ROBO1: variants seen among roughly 807,000 people sequenced by gnomAD.
The protein encoded by ROBO1 is roundabout guidance receptor 1.
In ROBO1, 149 loss-of-function variants were observed where a neutral mutation model predicts 195.9. That is an observed-to-expected ratio of 0.76 (90% CI 0.67 to 0.87). The LOEUF is 0.87. Ranked by LOEUF, ROBO1 falls within the 40% of genes least tolerant of loss-of-function variation. The probability of loss-of-function intolerance (pLI) is 0.00; values close to 1 mark genes in which losing one functional copy is unlikely to be tolerated. For missense variants in ROBO1, 1,933 were observed against 2,068.3 expected (o/e 0.93, Z 1.27); for synonymous variants, 816 against 733.2 (o/e 1.11, Z -1.82).
chr3:79,508,267 AAG>A (rs1940516263), intron 2 of ROBO1, among the ~76,000 whole-genome samples: 1 of 150,806 alleles, frequency 6.6e-6, no homozygotes, highest in South Asian at 2.1e-4. Flanking sequence ...AAAAATCAAA[AAG>A]AAGAGGAGAT....
intron 3 of ROBO1, among the ~76,000 whole-genome samples, chr3:79,104,633 C>G (rs1334517769): frequency 1.3e-5 from 2 of 151,690 alleles, no homozygotes. Flanking sequence ...CTTCAGTTCT[C>G]ACACAGCCAT....
chr3:79,217,771 TA>T (rs1480252513), intron 2 of ROBO1, among the ~76,000 whole-genome samples: 3 of 151,946 alleles, frequency 2.0e-5, no homozygotes, highest in African/African-American at 7.2e-5. Flanking sequence ...GAGCTTAAAA[TA>T]AATGTCATTT....
At chr3:79,550,195 G>GAAAGAAAAGAAAA in intron 2 of ROBO1, among the ~76,000 whole-genome samples, 1 of 100,812 alleles carries the variant, frequency 9.9e-6, no homozygotes, top group African/African-American at 4.7e-5. Context: ...AAGAAAGAAA[G>GAAAGAAAAGAAAA]GAAAAGAAAA....
intron 4 of ROBO1, among the ~76,000 whole-genome samples, chr3:78,807,767 G>T (rs1401477185): frequency 6.6e-6 from 1 of 152,166 alleles, no homozygotes; most frequent in Non-Finnish European, 1.5e-5. Context: ...GCATGTGTGT[G>T]TTTGTGTTAT....
chr3:79,428,721 A>G (rs1435871920), intron 2 of ROBO1, among the ~76,000 whole-genome samples: 2 of 152,162 alleles, frequency 1.3e-5, no homozygotes, highest in Non-Finnish European at 2.9e-5. Flanking sequence ...GTAACAACCA[A>G]TTGTCCACCG....
At chr3:79,293,380 C>T (rs1306845133) in intron 2 of ROBO1, among the ~76,000 whole-genome samples, 1 of 152,010 alleles carries the variant, frequency 6.6e-6, no homozygotes, top group Admixed American at 6.6e-5. Flanking sequence ...CTATCTTTTT[C>T]AGTTCTGCTC....
chr3:78,961,517 C>T (rs1320087559), intron 3 of ROBO1, among the ~76,000 whole-genome samples: 1 of 152,174 alleles, frequency 6.6e-6, no homozygotes, highest in African/African-American at 2.4e-5. Flanking sequence ...CTAAAATGTA[C>T]TTACGTTCCA....
At chr3:78,731,918 G>C (rs1483588601) in intron 5 of ROBO1, among the ~76,000 whole-genome samples, 1 of 152,056 alleles carries the variant, frequency 6.6e-6, no homozygotes, top group African/African-American at 2.4e-5. Context: ...ATGTATTTAA[G>C]CAACAATCTG....
intron 3 of ROBO1, among the ~76,000 whole-genome samples, chr3:78,957,537 C>G (rs547137161): frequency 1.3e-5 from 2 of 152,218 alleles, no homozygotes; most frequent in South Asian, 4.1e-4. Flanking sequence ...GCATGCAACA[C>G]GGTTACAATG....
chr3:79,601,324 G>A (rs1320999933), intron 1 of ROBO1, among the ~76,000 whole-genome samples: 1 of 151,912 alleles, frequency 6.6e-6, no homozygotes, highest in Admixed American at 6.6e-5. Context: ...AGGAGATGAA[G>A]CTAAAAAAAT....
At chr3:79,019,055 G>A in intron 3 of ROBO1, 1 of 989,624 alleles carries the variant, frequency 1.0e-6, no homozygotes. Flanking sequence ...GCGAGCGAGG[G>A]GGCGGTGCGG....
At chr3:78,858,435 A>G (rs2034583724) in intron 4 of ROBO1, among the ~76,000 whole-genome samples, 1 of 151,962 alleles carries the variant, frequency 6.6e-6, no homozygotes, top group South Asian at 2.1e-4. Flanking sequence ...ATCCTTAGAA[A>G]GTGGAAAACT....
At chr3:79,654,725 T>A (rs1946109694) in intron 1 of ROBO1, among the ~76,000 whole-genome samples, 1 of 102,384 alleles carries the variant, frequency 9.8e-6, no homozygotes, top group African/African-American at 3.7e-5. Flanking sequence ...TCTTTTCTAG[T>A]GATTTTTTTT....
intron 1 of ROBO1, among the ~76,000 whole-genome samples, chr3:79,641,911 C>T (rs998181627): frequency 6.6e-6 from 1 of 152,008 alleles, no homozygotes; most frequent in Non-Finnish European, 1.5e-5. Context: ...CCCAGCTATT[C>T]AGGAGGTTGA....
intron 3 of ROBO1, among the ~76,000 whole-genome samples, chr3:79,059,397 T>C (rs2108395915): frequency 6.6e-6 from 1 of 152,158 alleles, no homozygotes; most frequent in African/African-American, 2.4e-5. Flanking sequence ...ATTATGCTTC[T>C]CTGTTTAATC....
intron 1 of ROBO1, among the ~76,000 whole-genome samples, chr3:79,636,642 C>A (rs374630000): frequency 1.3e-5 from 2 of 152,126 alleles, no homozygotes; most frequent in African/African-American, 4.8e-5. Flanking sequence ...CCCTCACGTG[C>A]ACTTTTTATC....
At chr3:78,958,641 G>A (rs574489367) in intron 3 of ROBO1, among the ~76,000 whole-genome samples, 29 of 151,900 alleles carry the variant, frequency 1.9e-4, no homozygotes, top group African/African-American at 5.8e-4. Context: ...CAAGTTTATC[G>A]ATGACTTAGT....
chr3:79,125,765 A>G (rs1195793209), intron 2 of ROBO1, among the ~76,000 whole-genome samples: 1 of 152,042 alleles, frequency 6.6e-6, no homozygotes. Flanking sequence ...TAATTTCCCT[A>G]ATTCTCTGCC....
intron 2 of ROBO1, among the ~76,000 whole-genome samples, chr3:79,398,365 A>C (rs2037230554): frequency 6.6e-6 from 1 of 152,178 alleles, no homozygotes; most frequent in African/African-American, 2.4e-5. Flanking sequence ...TATATATTGA[A>C]GACATAATGA....
Sources: gnomAD v4.1 joint callset for allele counts (sites outside exome capture counted in the v4.1 genomes callset) on GRCh38, gnomAD v4.1.1 for gene constraint, MANE v1.5 for transcripts, NCBI Gene and HGNC (gene_info 2026-07-23, HGNC 2026-07-21) for gene names.